SARNP: variants seen among roughly 807,000 people sequenced by gnomAD.
SARNP encodes SAP domain-containing ribonucleoprotein.
In SARNP, 5 loss-of-function variants were observed where a neutral mutation model predicts 38.1. That is an observed-to-expected ratio of 0.13 (90% confidence interval 0.07 to 0.28). SARNP has a LOEUF of 0.28. Ranked by LOEUF, SARNP falls within the 10% of genes least tolerant of loss-of-function variation. The pLI is 1.00. For missense variants in SARNP, 180 were observed against 243.9 expected (o/e 0.74, Z 1.75); for synonymous variants, 84 against 80.6 (o/e 1.04, Z -0.23).
chr12:55,779,310 GA>G (rs753721554), intron 9 of SARNP, among the ~76,000 whole-genome samples: 1 of 152,198 alleles, frequency 6.6e-6, no homozygotes, highest in Non-Finnish European at 1.5e-5. Flanking sequence ...ATGGCTGAGG[GA>G]GCCTACGTTG....
chr12:55,795,919 T>C, intron 5 of SARNP, 106 bp downstream of exon 5: 1 of 814,712 alleles, frequency 1.2e-6, no homozygotes, highest in Non-Finnish European at 2.0e-6. Context: ...CTGCCAATAC[T>C]GATTTTCTGC....
At chr12:55,787,749 C>CTT (rs150950873) in intron 9 of SARNP, among the ~76,000 whole-genome samples, 2 of 137,142 alleles carry the variant, frequency 1.5e-5, no homozygotes, top group Non-Finnish European at 3.2e-5. Flanking sequence ...TTCTTTCTTT[C>CTT]TTTTTTTTTT....
chr12:55,812,940 A>G (rs745883088), intron 1 of SARNP, among the ~76,000 whole-genome samples: 79 of 152,258 alleles, frequency 5.2e-4, no homozygotes, highest in Non-Finnish European at 5.3e-4. Flanking sequence ...ATGATCAGAT[A>G]GCGTTTAGCT....
intron 9 of SARNP, among the ~76,000 whole-genome samples, chr12:55,766,247 T>C (rs2136179853): frequency 1.3e-5 from 2 of 152,260 alleles, no homozygotes; most frequent in East Asian, 3.9e-4. Flanking sequence ...CATACTCCTG[T>C]GTGAGAAGAG....
chr12:55,815,445 A>T (rs1880452915), intron 1 of SARNP, among the ~76,000 whole-genome samples: 1 of 152,114 alleles, frequency 6.6e-6, no homozygotes, highest in South Asian at 2.1e-4. Flanking sequence ...TAAAAATCAG[A>T]ATCAAAGGCA....
At chr12:55,790,381 G>A (rs1366795535) in intron 8 of SARNP, among the ~76,000 whole-genome samples, 186 bp downstream of exon 8, 1 of 152,142 alleles carries the variant, frequency 6.6e-6, no homozygotes, top group Non-Finnish European at 1.5e-5. Flanking sequence ...TTGAACATGT[G>A]ACAATTTTCC....
chr12:55,760,670 CA>C (rs1427372836), intron 9 of SARNP, 30 bp from the exon 10 acceptor site: 1 of 1,440,292 alleles, frequency 6.9e-7, no homozygotes, highest in Non-Finnish European at 9.8e-7. Context: ...AGAGTTGAAA[CA>C]AACTAGCCTC....
At chr12:55,753,344 G>A (rs1878387373), downstream of SARNP, 1 of 152,202 alleles carries the variant, frequency 6.6e-6, no homozygotes, top group Non-Finnish European at 1.5e-5. Context: ...TTACACAAGA[G>A]TGGCTAAAAT....
intron 9 of SARNP, among the ~76,000 whole-genome samples, chr12:55,768,580 A>G (rs1438836623): frequency 2.0e-5 from 3 of 146,396 alleles, no homozygotes; most frequent in Non-Finnish European, 4.5e-5. Flanking sequence ...GCCCACCACC[A>G]CCACACCAGG....
intron 9 of SARNP, among the ~76,000 whole-genome samples, chr12:55,779,675 C>A (rs1489385199): frequency 6.6e-6 from 1 of 152,018 alleles, no homozygotes. Context: ...AATTACAGAC[C>A]CTCTGAGAAG....
intron 4 of SARNP, 100 bp downstream of exon 4, chr12:55,800,462 G>T: frequency 2.4e-6 from 2 of 831,712 alleles, no homozygotes; most frequent in Non-Finnish European, 3.8e-6. Context: ...AAAGGAAAAG[G>T]CCAATGGGAA....
Position 55,813,637 on chromosome 12 carries a change from G to A in SARNP, c.36+4029C>T, listed in dbSNP as rs1051039237. On this transcript the variant is annotated intron_variant, in intron 1 of 10. Transcript: ENST00000336133. The stretch of plus-strand genomic sequence containing the variant: ...TCGGCTCACCGCAACCTCCACCTAC[G>A]CGGTTCAAGTGATTCTCCTGCCTCA... Among the ~76,000 whole-genome samples the A allele has an allele frequency of 1.3e-4, 18 of 143,094 alleles. No homozygotes were observed. In the South Asian group the frequency reaches 2.5e-3, roughly 20 times the overall value. 93.9% of individuals were successfully genotyped at this position (143,094 alleles called of 152,430 possible).
intron 1 of SARNP, among the ~76,000 whole-genome samples, chr12:55,813,211 T>C (rs936371302): frequency 1.3e-5 from 2 of 152,182 alleles, no homozygotes; most frequent in Non-Finnish European, 2.9e-5. Context: ...CCCAAAGTGC[T>C]GGGATTACAG....
intron 9 of SARNP, among the ~76,000 whole-genome samples, chr12:55,762,416 G>T (rs1878704892): frequency 6.6e-6 from 1 of 151,882 alleles, no homozygotes. Context: ...TGGACTACAG[G>T]CATGTGCCAC....
chr12:55,759,678 T>C (rs1473399817), intron 10 of SARNP, among the ~76,000 whole-genome samples: 1 of 152,166 alleles, frequency 6.6e-6, no homozygotes, highest in Non-Finnish European at 1.5e-5. Context: ...CGACCTCAGG[T>C]AATCTGCCTG....
At chr12:55,812,681 T>C (rs1001814351) in intron 1 of SARNP, among the ~76,000 whole-genome samples, 1 of 152,266 alleles carries the variant, frequency 6.6e-6, no homozygotes, top group African/African-American at 2.4e-5. Flanking sequence ...ACCCAAACCC[T>C]GGAGTCATCT....
At chr12:55,768,095 A>G (rs1183199792) in intron 9 of SARNP, among the ~76,000 whole-genome samples, 1 of 151,850 alleles carries the variant, frequency 6.6e-6, no homozygotes, top group Non-Finnish European at 1.5e-5. Context: ...CCTATTAACC[A>G]TCTCCCTCCT....
chr12:55,785,193 TA>T (rs894640168), intron 9 of SARNP, among the ~76,000 whole-genome samples: 1 of 152,052 alleles, frequency 6.6e-6, no homozygotes, highest in East Asian at 1.9e-4. Context: ...CATATGCAAA[TA>T]AAAAAATATG....
chr12:55,810,632 T>C (rs1368665468), intron 1 of SARNP, among the ~76,000 whole-genome samples: 3 of 151,768 alleles, frequency 2.0e-5, no homozygotes, highest in East Asian at 1.9e-4. Flanking sequence ...TTGTATTTTT[T>C]AGAAGAGATG....
Sources: allele counts gnomAD v4.1 joint callset (sites outside exome capture counted in the v4.1 genomes callset), GRCh38; gene constraint gnomAD v4.1.1; transcripts MANE v1.5; gene names NCBI Gene and HGNC (gene_info 2026-07-23, HGNC 2026-07-21).